MARK4: variants seen among roughly 807,000 people sequenced by gnomAD.
MARK4 encodes the protein microtubule affinity regulating kinase 4.
In MARK4, 19 loss-of-function variants were observed where a neutral mutation model predicts 81.5. The observed-to-expected ratio is 0.23, with a 90% CI of 0.16 to 0.34. The LOEUF (loss-of-function observed/expected upper bound fraction) is 0.34, where lower values mean the gene tolerates loss of function less well. Among genes scored for constraint, MARK4 ranks in the 10% least tolerant of loss-of-function variants. The probability of loss-of-function intolerance (pLI) is 1.00; values close to 1 mark genes in which losing one functional copy is unlikely to be tolerated. For missense variants in MARK4, 772 were observed against 1,058.8 expected (o/e 0.73, Z 3.76); for synonymous variants, 436 against 439.0 (o/e 0.99, Z 0.08).
Position 45,271,768 on chromosome 19 carries a change from C to T in MARK4, c.786+60C>T. On this transcript the variant is annotated intron_variant, in intron 8 of 16. Transcript: ENST00000262891. The surrounding 1 kb of genome is among the most constrained non-coding windows in gnomAD (Gnocchi z 4.1). ...CCTCCCCACAGTCAGGCCCCTATCC[C>T]CCCCACACCTCCCCTGCAGAGGGCC... 1 of 1,473,972 alleles carries T rather than the reference C, an allele frequency of 6.8e-7. No homozygotes were observed. The highest frequency in any genetic ancestry group is 2.3e-5 in the East Asian group (1 of 44,106). The allele number at this position is 1,473,972 out of a possible 1,614,324, so 91.3% of individuals were successfully genotyped here. A position where few individuals can be genotyped will look rare whatever the true frequency, so the allele number is the denominator to read the frequency against.
At chr19:45,264,945 G>A (rs1318229602) in intron 6 of MARK4, 35 bp downstream of exon 6, 2 of 1,608,366 alleles carry the variant, frequency 1.2e-6, no homozygotes, top group African/African-American at 2.7e-5. Context: ...CTGACTGGGT[G>A]CCTGGGTCCC....
At chr19:45,254,948 C>T (rs1330900616) in intron 1 of MARK4, among the ~76,000 whole-genome samples, 1 of 152,186 alleles carries the variant, frequency 6.6e-6, no homozygotes, top group Non-Finnish European at 1.5e-5. Flanking sequence ...CACCTATAAT[C>T]CCAGAACTTT....
chr19:45,295,735 C>T (rs532638195), intron 14 of MARK4, among the ~76,000 whole-genome samples: 21 of 152,118 alleles, frequency 1.4e-4, no homozygotes, highest in Admixed American at 3.3e-4. Context: ...GCTGGGATTG[C>T]GCCACTGTAC....
At chr19:45,283,827 G>A (rs1361452755) in intron 12 of MARK4, among the ~76,000 whole-genome samples, 1 of 152,100 alleles carries the variant, frequency 6.6e-6, no homozygotes, top group Non-Finnish European at 1.5e-5. Flanking sequence ...TGGTAACTGT[G>A]TGTTTAATAA....
chr19:45,297,632 C>G, intron 14 of MARK4, 44 bp from the exon 15 acceptor site: 2 of 1,358,824 alleles, frequency 1.5e-6, no homozygotes, highest in Non-Finnish European at 2.0e-6. Context: ...GGGGCCCTGG[C>G]CTGCCTCAGT....
At chr19:45,280,519 T>C in intron 11 of MARK4, 36 bp downstream of exon 11, 1 of 1,613,812 alleles carries the variant, frequency 6.2e-7, no homozygotes, top group Non-Finnish European at 8.5e-7. Flanking sequence ...GGACGCGTGA[T>C]GCCTGGGTGG....
At chr19:45,296,230 TAAAA>T (rs914362627) in intron 14 of MARK4, among the ~76,000 whole-genome samples, 1 of 151,376 alleles carries the variant, frequency 6.6e-6, no homozygotes, top group Non-Finnish European at 1.5e-5. Context: ...AATCAAAAAT[TAAAA>T]AAAAATTTAA....
intron 3 of MARK4, 35 bp from the exon 4 acceptor site, chr19:45,263,284 C>A (rs760206938): frequency 6.2e-7 from 1 of 1,614,192 alleles, no homozygotes; most frequent in Non-Finnish European, 8.5e-7. Context: ...CACCCACCCT[C>A]ACTCTCCTCT....
In MARK4 at chr19:45,298,021, A is replaced by ACT. The variant is rs1970912771; in HGVS notation, c.1877+70_1877+71dup. 9.0e-6 allele frequency: 14 copies of ACT among 1,548,204 alleles called. 1 individual carries two copies. In the South Asian group the frequency reaches 1.5e-4, roughly 17 times the overall value. On this transcript the variant is annotated intron_variant, in intron 15 of 16. Transcript: ENST00000262891. The stretch of plus-strand genomic sequence containing the variant: ...GCCGATGGGACCTAACCTGTCTTCC[A>ACT]CTCTGCTCTGTCTCCTGTACCCCAA...
At chr19:45,283,976 C>T (rs1350667051) in intron 12 of MARK4, among the ~76,000 whole-genome samples, 2 of 151,990 alleles carry the variant, frequency 1.3e-5, no homozygotes, top group Non-Finnish European at 2.9e-5. Context: ...TCTTACATAT[C>T]TCACCTTATC....
In MARK4 at chr19:45,302,411, C is replaced by G. The variant is rs762012816; in HGVS notation, c.1960C>G (p.Arg654Gly). ...LPWDQTETAP[R>G]LLRFPWSVKL... ...TTGGGATCAAACGGAAACCGCCCCC[C>G]GGCTGCTCCGATTCCCCTGGAGTGT... The change falls in exon 17 of 17, where the codon CGG (arginine) becomes GGG (glycine). Residue 654 changes from arginine to glycine, a missense_variant. This residue lies in a region of MARK4 where 548 missense variants were observed against 624.3 expected (regional missense o/e 0.88). Coordinates refer to ENST00000262891, the MANE Select transcript of MARK4 (RefSeq NM_001199867.2). This position sits in a 1 kb window ranked among gnomAD's most constrained non-coding sequence, Gnocchi z 4.9. The G allele has an allele frequency of 6.2e-7, 1 of 1,614,134 alleles. No individual in the cohort carries two copies. Among genetic ancestry groups the G allele is most frequent in the African/African-American group, 1.3e-5 (1 of 75,058 alleles).
At chr19:45,300,491 G>A (rs1970955198) in intron 16 of MARK4, among the ~76,000 whole-genome samples, 1 of 151,854 alleles carries the variant, frequency 6.6e-6, no homozygotes, top group Non-Finnish European at 1.5e-5. Context: ...GCAAACATCT[G>A]TACGGACCCA....
intron 12 of MARK4, 27 bp from the exon 13 acceptor site, chr19:45,287,420 A>C: frequency 1.4e-6 from 2 of 1,379,350 alleles, no homozygotes; most frequent in Non-Finnish European, 1.9e-6. Flanking sequence ...TGGTGATGCC[A>C]GCTCTAAACG....
chr19:45,270,839 C>G (rs567913557), intron 7 of MARK4, among the ~76,000 whole-genome samples: 1 of 152,220 alleles, frequency 6.6e-6, no homozygotes, highest in East Asian at 1.9e-4. Context: ...GGCATGATCT[C>G]GGCTCACCGC....
intron 8 of MARK4, among the ~76,000 whole-genome samples, chr19:45,277,674 T>TC (rs1161015230): frequency 6.7e-6 from 1 of 150,328 alleles, no homozygotes; most frequent in Non-Finnish European, 1.5e-5. Context: ...GGCCAAGAAT[T>TC]TTTTTTTTTA....
At chr19:45,291,908 G>A (rs1337797722) in intron 13 of MARK4, among the ~76,000 whole-genome samples, 1 of 152,232 alleles carries the variant, frequency 6.6e-6, no homozygotes, top group Non-Finnish European at 1.5e-5. Flanking sequence ...CCCTGCTGAA[G>A]CAAAGACCTT....
At chr19:45,300,343 T>TAAA (rs1970951426) in intron 16 of MARK4, among the ~76,000 whole-genome samples, 1 of 4,046 alleles carries the variant, frequency 2.5e-4, no homozygotes, top group African/African-American at 6.8e-4. Context: ...AAACTCCGTC[T>TAAA]GAAAAAAAAA....
intron 1 of MARK4, among the ~76,000 whole-genome samples, chr19:45,256,105 G>T (rs1406883324): frequency 1.3e-5 from 2 of 152,182 alleles, no homozygotes; most frequent in Non-Finnish European, 2.9e-5. Context: ...ATGGAAGGAG[G>T]ATAACAGGGA....
At chr19:45,266,528 C>T (rs570247280) in intron 7 of MARK4, among the ~76,000 whole-genome samples, 1 of 152,102 alleles carries the variant, frequency 6.6e-6, no homozygotes, top group African/African-American at 2.4e-5. Flanking sequence ...CAGGGAGAAA[C>T]AAAGTGTCCC....
Sources: gnomAD v4.1 joint callset for allele counts (sites outside exome capture counted in the v4.1 genomes callset) on GRCh38, gnomAD v4.1.1 for gene constraint, gnomAD v4.1.1 regional missense constraint, Gnocchi (gnomAD v3.1) non-coding constraint, MANE v1.5 for transcripts, NCBI Gene and HGNC (gene_info 2026-07-23, HGNC 2026-07-21) for gene names.